Variants in OTUD7A observed in about 807,000 individuals in gnomAD.
OTUD7A encodes the protein OTU deubiquitinase 7A.
In OTUD7A, 12 loss-of-function variants were observed where a neutral mutation model predicts 65.7. The ratio of observed to expected loss-of-function variants is 0.18; its 90% CI spans 0.12 to 0.30. The LOEUF (loss-of-function observed/expected upper bound fraction) is 0.30. Ranked by LOEUF, OTUD7A falls within the 10% of genes least tolerant of loss-of-function variation. The pLI is 1.00. For synonymous variants in OTUD7A, 641 were observed against 586.3 expected, an observed-to-expected ratio of 1.09 and a Z score of -1.35; for missense variants, 1,148 against 1,304.8, an observed-to-expected ratio of 0.88 and a Z score of 1.85.
At chr15:31,568,731 C>T (rs7495305) in intron 4 of OTUD7A, among the ~76,000 whole-genome samples, 50,371 of 152,108 alleles carry the variant, frequency 0.33, 11,054 homozygotes, top group African/African-American at 0.63. Flanking sequence ...ATGAATGGCT[C>T]GGGCCAACCC....
chr15:31,623,228 A>T (rs1890850718), intron 3 of OTUD7A, among the ~76,000 whole-genome samples: 1 of 152,218 alleles, frequency 6.6e-6, no homozygotes, highest in South Asian at 2.1e-4. Context: ...CCACTTGAGA[A>T]AGCAGTCTGT....
At chr15:31,834,964 C>T (rs576523844) in intron 1 of OTUD7A, among the ~76,000 whole-genome samples, 1 of 152,322 alleles carries the variant, frequency 6.6e-6, no homozygotes, top group South Asian at 2.1e-4. Context: ...GTGCAGGACA[C>T]AAACTATTAT....
chr15:31,853,812 C>T (rs1457244053), intron 1 of OTUD7A, among the ~76,000 whole-genome samples: 2 of 152,226 alleles, frequency 1.3e-5, no homozygotes, highest in Non-Finnish European at 2.9e-5. Flanking sequence ...GCCCTGGCTT[C>T]ACCCTCATCC....
chr15:31,501,736 G>A lies in OTUD7A; in HGVS notation c.1125C>T (p.Phe375=), dbSNP rs1171619665. 1 of 1,614,164 alleles carries A rather than the reference G, an allele frequency of 6.2e-7. No homozygotes were observed. Residue 375 remains phenylalanine, a synonymous_variant, in exon 10 of 13, where the codon TTC becomes TTT. Coordinates refer to ENST00000307050, the MANE Select transcript of OTUD7A (RefSeq NM_001382637.1). ...PLVLAYDQAH[F]SALVSMEQRD... is the part of the protein sequence containing the mutation. ...TCTGTTCCATGGACACAAGGGCAGA[G>A]AAATGGGCTTGATCATAGGCCAGAA...
intron 1 of OTUD7A, among the ~76,000 whole-genome samples, chr15:31,839,266 G>A (rs1381099039): frequency 6.6e-6 from 1 of 152,248 alleles, no homozygotes; most frequent in Non-Finnish European, 1.5e-5. Context: ...AATACTGGAT[G>A]TCACCACTAT....
chr15:31,664,016 TG>T (rs1315609759), intron 1 of OTUD7A, among the ~76,000 whole-genome samples: 4 of 152,260 alleles, frequency 2.6e-5, no homozygotes, highest in African/African-American at 9.6e-5. Context: ...TTTCTTTTTA[TG>T]GCCAACTAGT....
intron 1 of OTUD7A, among the ~76,000 whole-genome samples, chr15:31,676,483 T>C (rs1456296723): frequency 4.3e-4 from 66 of 152,278 alleles, no homozygotes; most frequent in Admixed American, 4.1e-3. Flanking sequence ...ACAGGAAATC[T>C]GCTAGGCTAC....
intron 10 of OTUD7A, 123 bp downstream of exon 10, chr15:31,501,567 G>T: frequency 8.0e-7 from 1 of 1,248,046 alleles, no homozygotes; most frequent in Non-Finnish European, 1.1e-6. Flanking sequence ...ACTGCTGAGT[G>T]TGCACAGGTG....
chr15:31,741,170 C>A (rs754085778), intron 1 of OTUD7A, among the ~76,000 whole-genome samples: 28 of 152,126 alleles, frequency 1.8e-4, no homozygotes, highest in Non-Finnish European at 1.2e-4. Flanking sequence ...GACCATACTA[C>A]AATTAACTTA....
intron 1 of OTUD7A, among the ~76,000 whole-genome samples, chr15:31,672,961 C>T (rs1284285888): frequency 6.6e-6 from 1 of 152,184 alleles, no homozygotes; most frequent in African/African-American, 2.4e-5. Context: ...AGGGTTCCTC[C>T]TATGACAGCA....
chr15:31,592,853 C>A (rs368892950), intron 3 of OTUD7A, among the ~76,000 whole-genome samples: 9 of 109,264 alleles, frequency 8.2e-5, no homozygotes, highest in African/African-American at 3.3e-4. Context: ...GCGCTCCAGC[C>A]TGGGTGACAG....
intron 1 of OTUD7A, among the ~76,000 whole-genome samples, chr15:31,813,771 A>T (rs1896480564): frequency 6.6e-6 from 1 of 152,250 alleles, no homozygotes; most frequent in Non-Finnish European, 1.5e-5. Flanking sequence ...CATTTCACAA[A>T]GCTTTCTAGT....
rs1041599097 is a variant in OTUD7A at position 31,498,458 on chromosome 15, G to A, written c.1171+3232C>T. ...CTATAAAAGGAGGGGAGTTGGGATT[G>A]TTGCACTGGATGATTCCAAAGTTCT... On this transcript the variant is annotated intron_variant, in intron 10 of 12. Transcript: ENST00000307050. This position sits in a 1 kb window ranked among gnomAD's most constrained non-coding sequence, Gnocchi z 4.2. Among the ~76,000 whole-genome samples, 14 of 152,312 alleles carry A rather than the reference G, an allele frequency of 9.2e-5. No homozygotes were observed. Among genetic ancestry groups the A allele is most frequent in the South Asian group, 6.2e-4 (3 of 4,826 alleles).
At chr15:31,581,711 C>G (rs1889378280) in intron 3 of OTUD7A, among the ~76,000 whole-genome samples, 1 of 152,232 alleles carries the variant, frequency 6.6e-6, no homozygotes, top group Non-Finnish European at 1.5e-5. Flanking sequence ...CAGCAAGGCC[C>G]TGGGCCTGGC....
At chr15:31,803,725 A>G (rs1429276494) in intron 1 of OTUD7A, among the ~76,000 whole-genome samples, 4 of 152,234 alleles carry the variant, frequency 2.6e-5, no homozygotes, top group African/African-American at 7.2e-5. Flanking sequence ...AGTGAGTCAC[A>G]TAAGTGCCTT....
At chr15:31,766,340 A>G (rs1269946592) in intron 1 of OTUD7A, 1 of 1,597,970 alleles carries the variant, frequency 6.3e-7, no homozygotes, top group Admixed American at 1.7e-5. Context: ...GAAGCTTTCT[A>G]TGATTTGGTG....
intron 1 of OTUD7A, among the ~76,000 whole-genome samples, chr15:31,793,177 T>C (rs1192229390): frequency 1.3e-5 from 2 of 152,164 alleles, no homozygotes; most frequent in African/African-American, 4.8e-5. Context: ...TCCTTTCTGA[T>C]AATGCGGCAG....
chr15:31,686,551 C>A (rs753287379), intron 1 of OTUD7A, among the ~76,000 whole-genome samples: 3 of 152,266 alleles, frequency 2.0e-5, no homozygotes, highest in Non-Finnish European at 4.4e-5. Context: ...AGAAAAGACA[C>A]AGTCCCATCT....
chr15:31,530,660 C>T (rs201565937), intron 6 of OTUD7A, 47 bp downstream of exon 6: 113 of 1,530,624 alleles, frequency 7.4e-5, no homozygotes, highest in Middle Eastern at 1.7e-4. Context: ...TCTTTCCTTA[C>T]GCAGGCCTGG....
Sources: allele counts gnomAD v4.1 joint callset (sites outside exome capture counted in the v4.1 genomes callset), GRCh38; gene constraint gnomAD v4.1.1; non-coding constraint Gnocchi (gnomAD v3.1); transcripts MANE v1.5; gene names NCBI Gene and HGNC (gene_info 2026-07-23, HGNC 2026-07-21).